Variants in CPVL observed in about 807,000 individuals in gnomAD.
CPVL encodes carboxypeptidase vitellogenic like.
Under a neutral mutation model 63.7 loss-of-function variants are expected in CPVL, and 51 were observed. The observed-to-expected ratio is 0.80, with a 90% CI of 0.64 to 1.01. CPVL has a LOEUF of 1.01. Among genes scored for constraint, CPVL ranks in the 50% least tolerant of loss-of-function variants. CPVL has a pLI of 0.00. For synonymous variants in CPVL, 195 were observed against 206.0 expected (o/e 0.95, Z 0.46); for missense variants, 530 against 573.1 (o/e 0.92, Z 0.77).
intron 5 of CPVL, 25 bp from the exon 6 acceptor site, chr7:29,092,727 T>C (rs1333444095): frequency 7.1e-6 from 11 of 1,545,638 alleles, no homozygotes; most frequent in Non-Finnish European, 9.8e-6. Flanking sequence ...AACACGCAGG[T>C]ATAAACACAG....
At chr7:29,174,323 C>T (rs1339771617) in intron 5 of CPVL, among the ~76,000 whole-genome samples, 1 of 152,218 alleles carries the variant, frequency 6.6e-6, no homozygotes, top group Non-Finnish European at 1.5e-5. Context: ...AGGCACATAT[C>T]TGCTTCTGGG....
intron 4 of CPVL, among the ~76,000 whole-genome samples, chr7:29,182,558 T>C (rs1013270705): frequency 6.6e-6 from 1 of 152,218 alleles, no homozygotes; most frequent in African/African-American, 2.4e-5. Flanking sequence ...CTAGAGTATT[T>C]TTATCCAATA....
intron 8 of CPVL, among the ~76,000 whole-genome samples, 160 bp from the exon 9 acceptor site, chr7:29,072,064 C>T (rs1161079800): frequency 6.6e-6 from 1 of 152,184 alleles, no homozygotes; most frequent in Non-Finnish European, 1.5e-5. Flanking sequence ...CCCCACAACA[C>T]ACACAACAGA....
intron 1 of CPVL, among the ~76,000 whole-genome samples, chr7:29,129,160 G>A (rs960296174): frequency 3.3e-5 from 5 of 152,340 alleles, no homozygotes; most frequent in South Asian, 4.1e-4. Context: ...AGAGGCCACT[G>A]TTATAACCCA....
At chr7:29,005,204 T>G (rs1250858423) in intron 12 of CPVL, among the ~76,000 whole-genome samples, 1 of 152,110 alleles carries the variant, frequency 6.6e-6, no homozygotes, top group African/African-American at 2.4e-5. Context: ...TACAAATATG[T>G]CTTAAGTTTG....
At chr7:29,187,490 G>A (rs917627679) in intron 1 of CPVL, among the ~76,000 whole-genome samples, 3 of 152,198 alleles carry the variant, frequency 2.0e-5, no homozygotes, top group African/African-American at 4.8e-5. Flanking sequence ...TTGGGAGGCC[G>A]AGGTGGGCGG....
rs191134968 is a variant in CPVL at position 29,054,923 on chromosome 7, T to C, written c.1137+9138A>G. On this transcript the variant is annotated intron_variant, in intron 11 of 12. Coordinates refer to ENST00000265394, the MANE Select transcript of CPVL (RefSeq NM_031311.5). ...CACTGAGTTTTAAATTCAACAACTG[T>C]ATCATTCATTTTTAATGATTACAAT... Among the ~76,000 whole-genome samples the C allele has an allele frequency of 4.8e-3, 735 of 152,346 alleles. 5 individuals carry two copies. The highest frequency in any genetic ancestry group is 0.017 in the African/African-American group (702 of 41,582).
chr7:29,058,227 T>C (rs965038143), intron 11 of CPVL, among the ~76,000 whole-genome samples: 22 of 152,182 alleles, frequency 1.4e-4, no homozygotes, highest in Non-Finnish European at 2.8e-4. Flanking sequence ...CTAATATAGA[T>C]CTTATACATA....
chr7:29,069,770 ATGTGTGTGTGTGTGTG>A (rs70977102), intron 9 of CPVL, among the ~76,000 whole-genome samples: 4,759 of 132,258 alleles, frequency 0.036, 112 homozygotes, highest in South Asian at 0.064. Context: ...TCACCAGTAA[ATGTGTGTGTGTGTGTG>A]TGTGTGTGTG....
At chr7:29,124,339 T>C (rs566982475) in intron 1 of CPVL, among the ~76,000 whole-genome samples, 59 of 152,294 alleles carry the variant, frequency 3.9e-4, no homozygotes, top group Non-Finnish European at 6.9e-4. Context: ...AGTGGTGCTA[T>C]TTCCAGTTCA....
chr7:29,157,715 C>G lies in CPVL; in HGVS notation c.-11+23575G>C, dbSNP rs138905602. Among the ~76,000 whole-genome samples, 55 of 152,280 alleles carry G rather than the reference C, an allele frequency of 3.6e-4. No homozygotes were observed. The East Asian group carries it at 0.01, about 29-fold the overall frequency. On this transcript the variant is annotated intron_variant, in intron 5 of 16. Coordinates refer to the CPVL transcript ENST00000409850. ...GTGAAAAGCCACTCAATGACCTGAA[C>G]AAGATCTGGTGATAGAAAACATATT...
upstream of CPVL, chr7:29,148,479 T>C (rs373705594): frequency 2.6e-5 from 4 of 152,366 alleles, no homozygotes; most frequent in East Asian, 3.9e-4. Context: ...AATAACACGT[T>C]TTAACTTTAA....
In CPVL at chr7:29,162,680, A is replaced by G. The variant is rs185978473; in HGVS notation, c.-11+18610T>C. Among the ~76,000 whole-genome samples the G allele has an allele frequency of 1.6e-3, 234 of 149,946 alleles. 2 individuals carry two copies. The highest frequency in any genetic ancestry group is 2.6e-3 in the Admixed American group (39 of 14,960). On this transcript the variant is annotated intron_variant, in intron 5 of 16. Coordinates refer to the CPVL transcript ENST00000409850. ...CCATCTCAAAAAAAAAAAAAAAAAA[A>G]GAACATTATGACAAGTGACAAAAGC...
chr7:29,100,408 G>A (rs2128617275), intron 3 of CPVL, among the ~76,000 whole-genome samples: 2 of 152,240 alleles, frequency 1.3e-5, no homozygotes, highest in Admixed American at 1.3e-4. Flanking sequence ...AAGCTCCCAG[G>A]TGGTTCTAAT....
intron 12 of CPVL, among the ~76,000 whole-genome samples, chr7:28,996,557 A>C (rs1784086769): frequency 6.6e-6 from 1 of 151,786 alleles, no homozygotes; most frequent in African/African-American, 2.4e-5. Flanking sequence ...AACAAAAAAA[A>C]AAAAAACAAA....
At chr7:29,109,183 A>T (rs1788013305) in intron 3 of CPVL, among the ~76,000 whole-genome samples, 2 of 151,846 alleles carry the variant, frequency 1.3e-5, no homozygotes, top group African/African-American at 4.8e-5. Context: ...CAAAATGCCT[A>T]CTCCTTTCTC....
intron 3 of CPVL, among the ~76,000 whole-genome samples, chr7:29,098,838 G>A (rs1250862184): frequency 3.3e-5 from 5 of 151,988 alleles, no homozygotes; most frequent in Admixed American, 1.3e-4. Context: ...CGAGGCGGGC[G>A]GATCACCAGA....
rs1048786683 is a variant in CPVL at position 28,999,699 on chromosome 7, T to C, written c.1321-3817A>G. Reference sequence around the variant, plus strand: ...CCCTGGTCCAATTTCTGAGCTGCCATGTGTAATGACCCTAATGGCATTGTA... The same window carrying C: ...CCCTGGTCCAATTTCTGAGCTGCCACGTGTAATGACCCTAATGGCATTGTA... On this transcript the variant is annotated intron_variant, in intron 12 of 12. Coordinates refer to ENST00000265394, the MANE Select transcript of CPVL (RefSeq NM_031311.5). Among the ~76,000 whole-genome samples, 42 of 152,178 alleles carry C rather than the reference T, an allele frequency of 2.8e-4. 1 individual carries two copies. The highest frequency in any genetic ancestry group is 2.9e-5 in the Non-Finnish European group (2 of 68,026).
intron 9 of CPVL, among the ~76,000 whole-genome samples, chr7:29,069,825 T>C (rs530417179): frequency 5.5e-5 from 7 of 127,170 alleles, no homozygotes; most frequent in East Asian, 2.2e-4. Context: ...TGTGTGTGTG[T>C]GTGCATGTAA....
Sources: allele counts gnomAD v4.1 joint callset (sites outside exome capture counted in the v4.1 genomes callset), GRCh38; gene constraint gnomAD v4.1.1; transcripts MANE v1.5; gene names NCBI Gene and HGNC (gene_info 2026-07-23, HGNC 2026-07-21).